CFAP299: variants seen among roughly 807,000 people sequenced by gnomAD.
The protein encoded by CFAP299 is cilia and flagella associated protein 299.
Under a neutral mutation model 27.0 loss-of-function variants are expected in CFAP299, and 21 were observed. The ratio of observed to expected loss-of-function variants is 0.78; its 90% CI spans 0.55 to 1.12. The LOEUF (loss-of-function observed/expected upper bound fraction) is 1.12. Ranked by LOEUF, CFAP299 falls within the 50% of genes most tolerant of loss-of-function variation. CFAP299 has a pLI of 0.00. For missense variants in CFAP299, 310 were observed against 276.6 expected (o/e 1.12, Z -0.86); for synonymous variants, 104 against 98.1 (o/e 1.06, Z -0.36).
chr4:80,619,283 G>C (rs1417581121), intron 3 of CFAP299, among the ~76,000 whole-genome samples: 2 of 152,128 alleles, frequency 1.3e-5, no homozygotes, highest in East Asian at 1.9e-4. Flanking sequence ...AATGCCACAA[G>C]GTGGCAGTGG....
At chr4:80,355,877 G>T (rs1271372990) in intron 1 of CFAP299, among the ~76,000 whole-genome samples, 1 of 152,032 alleles carries the variant, frequency 6.6e-6, no homozygotes, top group Non-Finnish European at 1.5e-5. Context: ...TTTTGTTGCA[G>T]TTGCTTTTGT....
chr4:80,759,399 G>T (rs932659850), intron 3 of CFAP299, among the ~76,000 whole-genome samples: 1 of 152,140 alleles, frequency 6.6e-6, no homozygotes, highest in Non-Finnish European at 1.5e-5. Context: ...AGCTTTAAAT[G>T]CCCTGGTTGT....
intron 2 of CFAP299, among the ~76,000 whole-genome samples, chr4:80,390,051 G>T (rs932299520): frequency 6.6e-6 from 1 of 152,010 alleles, no homozygotes; most frequent in Non-Finnish European, 1.5e-5. Context: ...GTGATGTTTT[G>T]AAATACATAT....
intron 3 of CFAP299, among the ~76,000 whole-genome samples, chr4:80,590,846 G>A (rs928762068): frequency 2.0e-5 from 3 of 152,146 alleles, no homozygotes; most frequent in South Asian, 4.1e-4. Context: ...GAGGAGGTTG[G>A]AAAAGAAAGG....
chr4:80,556,618 G>A (rs1202426935), intron 2 of CFAP299, among the ~76,000 whole-genome samples: 1 of 151,830 alleles, frequency 6.6e-6, no homozygotes, highest in Non-Finnish European at 1.5e-5. Flanking sequence ...GGATTTCAGG[G>A]AACTTAATAT....
At chr4:80,342,739 C>G (rs1722518048) in intron 1 of CFAP299, among the ~76,000 whole-genome samples, 1 of 152,186 alleles carries the variant, frequency 6.6e-6, no homozygotes, top group African/African-American at 2.4e-5. Context: ...AGTACACCAA[C>G]TAATGACACT....
In CFAP299 at chr4:80,911,898, C is replaced by G. The variant is rs73829192; in HGVS notation, c.477-32912C>G. Among the ~76,000 whole-genome samples, 1,204 of 151,876 alleles carry G rather than the reference C, an allele frequency of 7.9e-3. 4 individuals carry two copies. Among genetic ancestry groups the G allele is most frequent in the African/African-American group, 0.014 (584 of 41,434 alleles). Reference sequence around the variant, plus strand: ...TGGTTTAGTTTTTGACACTATAACACACTTAGAACTGAGTTTCAAAAGCAA... The same window carrying G: ...TGGTTTAGTTTTTGACACTATAACAGACTTAGAACTGAGTTTCAAAAGCAA... On this transcript the variant is annotated intron_variant, in intron 4 of 5. Transcript: ENST00000358105.
At chr4:80,760,865 G>A (rs969928605) in intron 3 of CFAP299, among the ~76,000 whole-genome samples, 51 of 152,250 alleles carry the variant, frequency 3.3e-4, no homozygotes, top group African/African-American at 1.2e-3. Context: ...TGATGGATGG[G>A]TGCAGGTGAC....
intron 3 of CFAP299, among the ~76,000 whole-genome samples, chr4:80,867,139 T>C (rs1427068953): frequency 2.6e-5 from 4 of 152,188 alleles, no homozygotes; most frequent in Non-Finnish European, 1.5e-5. Context: ...ATCTTGAAAC[T>C]TTGTTTTTAA....
chr4:80,789,684 A>G (rs1045892561), intron 3 of CFAP299, among the ~76,000 whole-genome samples: 1 of 152,042 alleles, frequency 6.6e-6, no homozygotes, highest in Non-Finnish European at 1.5e-5. Context: ...ATGAGCAAAC[A>G]GAAGTACAGA....
intron 3 of CFAP299, among the ~76,000 whole-genome samples, chr4:80,694,487 A>G (rs1012507087): frequency 2.6e-5 from 4 of 152,242 alleles, no homozygotes; most frequent in Admixed American, 6.5e-5. Flanking sequence ...AGTTTCAAAG[A>G]AGATGACTTA....
intron 5 of CFAP299, among the ~76,000 whole-genome samples, chr4:80,949,458 CT>C (rs1242284957): frequency 6.6e-6 from 1 of 151,258 alleles, no homozygotes; most frequent in Non-Finnish European, 1.5e-5. Flanking sequence ...AGGAAGTAAA[CT>C]TTTAGTGGGG....
In CFAP299 at chr4:80,759,498, T is replaced by G. The variant is rs562521502; in HGVS notation, c.334-110495T>G. Among the ~76,000 whole-genome samples the G allele has an allele frequency of 9.6e-4, 146 of 152,212 alleles. 1 individual carries two copies. The highest frequency in any genetic ancestry group is 7.1e-4 in the Non-Finnish European group (48 of 67,982). ...GTGCTTAAAAACCATGAAAGAAAAATGTGAGCAAGTTTTTATCTGTTTTGT... is the reference window on the plus strand; with the variant it reads ...GTGCTTAAAAACCATGAAAGAAAAAGGTGAGCAAGTTTTTATCTGTTTTGT... On this transcript the variant is annotated intron_variant, in intron 3 of 5. Coordinates refer to ENST00000358105, the MANE Select transcript of CFAP299 (RefSeq NM_152770.3).
chr4:80,388,583 TG>T, intron 2 of CFAP299: 1 of 1,438,298 alleles, frequency 7.0e-7, no homozygotes, highest in Non-Finnish European at 9.7e-7. Context: ...ATCCAATGGC[TG>T]GATAGCAGGG....
At position 80,760,472 on chromosome 4, in the gene CFAP299, A is replaced by G. The variant is rs1021459434; in HGVS notation, c.334-109521A>G. Among the ~76,000 whole-genome samples the G allele has an allele frequency of 3.3e-5, 5 of 152,190 alleles. No individual in the cohort carries two copies. In the South Asian group the frequency reaches 1.0e-3, roughly 32 times the overall value. ...GCTGAAAGTGTAATGGCCTTGTGCA[A>G]ATTGTTCTCACACTAACTTTAACCA... On this transcript the variant is annotated intron_variant, in intron 3 of 5. Transcript: ENST00000358105.
chr4:80,602,628 T>C (rs1737416095), intron 3 of CFAP299, among the ~76,000 whole-genome samples: 1 of 152,040 alleles, frequency 6.6e-6, no homozygotes, highest in Non-Finnish European at 1.5e-5. Context: ...ACAAGTCTGG[T>C]TGGTCCTGGT....
chr4:80,564,062 C>T (rs1735166598), intron 2 of CFAP299, among the ~76,000 whole-genome samples: 1 of 151,898 alleles, frequency 6.6e-6, no homozygotes, highest in Non-Finnish European at 1.5e-5. Flanking sequence ...TAAAGAAAAG[C>T]CTGGGACCTG....
chr4:80,367,256 G>A (rs370249856), intron 2 of CFAP299, among the ~76,000 whole-genome samples: 11 of 152,264 alleles, frequency 7.2e-5, no homozygotes, highest in African/African-American at 2.4e-4. Flanking sequence ...AAATGCAATC[G>A]TAAGTACTGT....
chr4:80,598,892 G>A (rs2109897600), intron 3 of CFAP299, among the ~76,000 whole-genome samples: 1 of 152,228 alleles, frequency 6.6e-6, no homozygotes, highest in East Asian at 1.9e-4. Context: ...TCGAGGTAGG[G>A]TCCTAATGCT....
Sources: allele counts gnomAD v4.1 joint callset (sites outside exome capture counted in the v4.1 genomes callset), GRCh38; gene constraint gnomAD v4.1.1; transcripts MANE v1.5; gene names NCBI Gene and HGNC (gene_info 2026-07-23, HGNC 2026-07-21).